Variants in SV2B observed in about 807,000 individuals in gnomAD.
SV2B encodes synaptic vesicle glycoprotein 2B.
In SV2B, 41 loss-of-function variants were observed where a neutral mutation model predicts 73.9. That is an observed-to-expected ratio of 0.56 (90% confidence interval 0.43 to 0.72). The LOEUF (loss-of-function observed/expected upper bound fraction) is 0.72. Among genes scored for constraint, SV2B ranks in the 30% least tolerant of loss-of-function variants. The pLI, the probability that SV2B is intolerant of heterozygous loss-of-function variation, is 0.00. For missense variants in SV2B, 764 were observed against 857.8 expected, an observed-to-expected ratio of 0.89 and a Z score of 1.37; for synonymous variants, 314 against 314.2, an observed-to-expected ratio of 1.00 and a Z score of 0.01.
chr15:91,112,866 G>A (rs954453213), intron 1 of SV2B, among the ~76,000 whole-genome samples: 1 of 152,166 alleles, frequency 6.6e-6, no homozygotes, highest in African/African-American at 2.4e-5. Flanking sequence ...ACCCAGGCTG[G>A]ATTACAGTGG....
At chr15:91,120,334 C>G (rs1472459338) in intron 1 of SV2B, among the ~76,000 whole-genome samples, 1 of 152,172 alleles carries the variant, frequency 6.6e-6, no homozygotes, top group Non-Finnish European at 1.5e-5. Flanking sequence ...TTTAAACCAT[C>G]AGATCTTGTG....
chr15:91,283,611 A>G lies in SV2B; in HGVS notation c.1508-410A>G, dbSNP rs564011996. On this transcript the variant is annotated intron_variant, in intron 10 of 12. Coordinates refer to ENST00000394232, the MANE Select transcript of SV2B (RefSeq NM_001323032.3). The surrounding 1 kb of genome is among the most constrained non-coding windows in gnomAD (Gnocchi z 4.3). ...CCACCCCACCTAGCTAATTTAAAAGAAAATTTTATTTATTTATTTATTTGT... is the reference window on the plus strand; with the variant it reads ...CCACCCCACCTAGCTAATTTAAAAGGAAATTTTATTTATTTATTTATTTGT... Among the ~76,000 whole-genome samples, 4 of 152,152 alleles carry G rather than the reference A, an allele frequency of 2.6e-5. No homozygotes were observed. The highest frequency in any genetic ancestry group is 1.9e-4 in the East Asian group (1 of 5,170).
intron 1 of SV2B, among the ~76,000 whole-genome samples, chr15:91,172,515 G>T (rs1178378954): frequency 2.0e-5 from 3 of 152,202 alleles, no homozygotes; most frequent in Non-Finnish European, 4.4e-5. Flanking sequence ...GGGATCCTCA[G>T]AACAGAGGGC....
intron 1 of SV2B, among the ~76,000 whole-genome samples, chr15:91,135,854 G>T (rs2042806769): frequency 6.6e-6 from 1 of 152,162 alleles, no homozygotes. Flanking sequence ...AGTTCATGAA[G>T]CCTGAATTGT....
At chr15:91,194,174 G>A (rs1476352395) in intron 1 of SV2B, among the ~76,000 whole-genome samples, 1 of 151,784 alleles carries the variant, frequency 6.6e-6, no homozygotes, top group Non-Finnish European at 1.5e-5. Flanking sequence ...TATTTCAGCT[G>A]AGCAGAAAGA....
At chr15:91,257,032 T>C (rs1402757040) in intron 4 of SV2B, among the ~76,000 whole-genome samples, 1 of 152,258 alleles carries the variant, frequency 6.6e-6, no homozygotes, top group African/African-American at 2.4e-5. Context: ...ATTTACATAG[T>C]CTTGTCTTTC....
chr15:91,201,117 A>G (rs1205401117), intron 1 of SV2B, among the ~76,000 whole-genome samples: 1 of 151,924 alleles, frequency 6.6e-6, no homozygotes, highest in Non-Finnish European at 1.5e-5. Context: ...CACCCTCTCA[A>G]CTTCCTTGGC....
chr15:91,219,210 A>G (rs2046136820), intron 1 of SV2B, among the ~76,000 whole-genome samples: 1 of 152,070 alleles, frequency 6.6e-6, no homozygotes. Flanking sequence ...TGGCCTCCCA[A>G]AGTGCTGAGA....
rs902685955 is a variant in SV2B, at chr15:91,140,392, C to G, written c.-392+40029C>G. Among the ~76,000 whole-genome samples the G allele has an allele frequency of 1.3e-5, 2 of 152,234 alleles. No homozygotes were observed. The highest frequency in any genetic ancestry group is 4.8e-5 in the African/African-American group (2 of 41,454). On this transcript the variant is annotated intron_variant, in intron 1 of 12. Coordinates refer to ENST00000394232, the MANE Select transcript of SV2B (RefSeq NM_001323032.3). This position sits in a 1 kb window ranked among gnomAD's most constrained non-coding sequence, Gnocchi z 4.4. ...TTTCAGCATTTTCTGTCTCAAAAGT[C>G]TAGTGCTTCTCCCAGAGGAGGAGAA...
At chr15:91,187,738 T>C (rs888679729) in intron 1 of SV2B, among the ~76,000 whole-genome samples, 1 of 152,184 alleles carries the variant, frequency 6.6e-6, no homozygotes, top group African/African-American at 2.4e-5. Flanking sequence ...ATAATTTTTA[T>C]TGAGTTAAAT....
intron 1 of SV2B, among the ~76,000 whole-genome samples, chr15:91,221,693 G>GCGCGCA (rs370290337): frequency 3.1e-4 from 43 of 140,158 alleles, no homozygotes; most frequent in Middle Eastern, 3.6e-3. Context: ...AAGCATGTGC[G>GCGCGCA]CACACACACA....
intron 1 of SV2B, among the ~76,000 whole-genome samples, chr15:91,134,734 A>G (rs887670812): frequency 3.3e-5 from 5 of 152,202 alleles, no homozygotes; most frequent in African/African-American, 7.2e-5. Flanking sequence ...TTCCTAACAC[A>G]TAAGTGTTCA....
In SV2B at chr15:91,226,285, G is replaced by T. The variant is rs1165528483; in HGVS notation, c.22G>T (p.Asp8Tyr). Residue 8 changes from aspartate (D) to tyrosine (Y), a missense_variant, in exon 2 of 13, where the codon GAC (aspartate) becomes TAC (tyrosine). Coordinates refer to ENST00000394232, the MANE Select transcript of SV2B (RefSeq NM_001323032.3). The part of the protein sequence containing the change: MDDYKYQ[D>Y]NYGGYAPSDG... ...AGGAATGGATGACTACAAGTATCAG[G>T]ACAATTATGGGGGCTATGCTCCCAG... is the stretch of plus-strand genomic sequence containing the variant. 1 of 1,614,056 alleles carries T rather than the reference G, an allele frequency of 6.2e-7. No individual in the cohort carries two copies. The highest frequency in any genetic ancestry group is 1.3e-5 in the African/African-American group (1 of 74,922).
Position 91,239,001 on chromosome 15 carries a change from A to G in SV2B, c.451+12287A>G, listed in dbSNP as rs1187314188. ...TGTAAATCTTAACCAGCACTAGCTC[A>G]GATGAACTGATTTTCACTTTGCAAA... On this transcript the variant is annotated intron_variant, in intron 2 of 12. Transcript: ENST00000394232. This position sits in a 1 kb window ranked among gnomAD's most constrained non-coding sequence, Gnocchi z 5.1. Among the ~76,000 whole-genome samples, 1 of 151,450 alleles carries G rather than the reference A, an allele frequency of 6.6e-6. No homozygotes were observed. Among genetic ancestry groups the G allele is most frequent in the Admixed American group, 6.7e-5 (1 of 14,852 alleles).
chr15:91,211,106 G>A (rs1015415484), intron 1 of SV2B, among the ~76,000 whole-genome samples: 11 of 152,228 alleles, frequency 7.2e-5, no homozygotes, highest in African/African-American at 2.7e-4. Flanking sequence ...CAAGGGTCCT[G>A]TATGGCCAAA....
intron 1 of SV2B, among the ~76,000 whole-genome samples, chr15:91,133,850 A>C (rs369061804): frequency 6.6e-6 from 1 of 152,038 alleles, no homozygotes; most frequent in Non-Finnish European, 1.5e-5. Flanking sequence ...TCTGCAGTGC[A>C]CTTATGGTGA....
chr15:91,198,632 G>C (rs1010727180), intron 1 of SV2B, among the ~76,000 whole-genome samples: 1 of 152,212 alleles, frequency 6.6e-6, no homozygotes, highest in Non-Finnish European at 1.5e-5. Context: ...TGAGTAAAAG[G>C]GTTTCTGCTT....
At chr15:91,196,047 GC>G (rs1244014113) in intron 1 of SV2B, among the ~76,000 whole-genome samples, 21 of 152,282 alleles carry the variant, frequency 1.4e-4, no homozygotes, top group African/African-American at 4.8e-4. Flanking sequence ...AGTGCTTTAG[GC>G]TTTGTTTATA....
chr15:91,277,278 G>A (rs2048525523), intron 9 of SV2B, among the ~76,000 whole-genome samples: 1 of 152,122 alleles, frequency 6.6e-6, no homozygotes, highest in Non-Finnish European at 1.5e-5. Flanking sequence ...AGTTGAGCTT[G>A]GTTTGGATTT....
Sources: gnomAD v4.1 joint callset for allele counts (sites outside exome capture counted in the v4.1 genomes callset) on GRCh38, gnomAD v4.1.1 for gene constraint, Gnocchi (gnomAD v3.1) non-coding constraint, MANE v1.5 for transcripts, NCBI Gene and HGNC (gene_info 2026-07-23, HGNC 2026-07-21) for gene names.